PRKN: variants seen among roughly 807,000 people sequenced by gnomAD.
The protein encoded by PRKN is E3 ubiquitin-protein ligase parkin.
Under a neutral mutation model 59.5 loss-of-function variants are expected in PRKN, and 56 were observed. The observed-to-expected ratio is 0.94, with a 90% confidence interval of 0.76 to 1.18. PRKN has a LOEUF of 1.18. Among genes scored for constraint, PRKN ranks in the 50% most tolerant of loss-of-function variants. PRKN has a pLI of 0.00. For synonymous variants in PRKN, 250 were observed against 222.1 expected (o/e 1.13, Z -1.12); for missense variants, 657 against 596.4 (o/e 1.10, Z -1.06).
At chr6:161,479,581 C>A (rs1214327038) in intron 9 of PRKN, among the ~76,000 whole-genome samples, 1 of 152,176 alleles carries the variant, frequency 6.6e-6, no homozygotes, top group Non-Finnish European at 1.5e-5. Context: ...CCTGACGCTG[C>A]AACATTAACT....
intron 7 of PRKN, among the ~76,000 whole-genome samples, chr6:161,587,451 T>A (rs561743631): frequency 2.0e-5 from 3 of 152,320 alleles, no homozygotes; most frequent in East Asian, 3.9e-4. Flanking sequence ...GTAACAGAGA[T>A]CTTTTCAGAA....
intron 7 of PRKN, among the ~76,000 whole-genome samples, chr6:161,585,741 C>T (rs1158615090): frequency 6.6e-6 from 1 of 152,158 alleles, no homozygotes; most frequent in African/African-American, 2.4e-5. Flanking sequence ...TCCTGAAACA[C>T]ATGAAGTAGG....
rs1235421661 is a variant in PRKN at position 161,419,696 on chromosome 6, C to A, written c.1084-32819G>T. 2.0e-5 allele frequency among the ~76,000 whole-genome samples: 3 copies of A among 151,920 alleles called. No homozygotes were observed. Among genetic ancestry groups the A allele is most frequent in the Non-Finnish European group, 4.4e-5 (3 of 67,982 alleles). On this transcript the variant is annotated intron_variant, in intron 9 of 11. Transcript: ENST00000366898. The surrounding 1 kb of genome is among the most constrained non-coding windows in gnomAD (Gnocchi z 4.1). ...AACCACCACGCCCAGCCTCCTCTGA[C>A]TTTTGTAAGGGAAATAATTAGATTC...
At chr6:161,700,870 C>T (rs1045789940) in intron 7 of PRKN, among the ~76,000 whole-genome samples, 1 of 152,112 alleles carries the variant, frequency 6.6e-6, no homozygotes, top group East Asian at 1.9e-4. Context: ...CAATTTGGGA[C>T]CCCCAAAAGG....
chr6:161,472,053 G>C (rs540408497), intron 9 of PRKN, among the ~76,000 whole-genome samples: 1 of 152,064 alleles, frequency 6.6e-6, no homozygotes, highest in Non-Finnish European at 1.5e-5. Context: ...ACCATGTTAA[G>C]AAGGAAGGAC....
intron 1 of PRKN, among the ~76,000 whole-genome samples, chr6:162,444,696 T>C (rs1385598313): frequency 6.6e-6 from 1 of 152,126 alleles, no homozygotes; most frequent in Non-Finnish European, 1.5e-5. Flanking sequence ...ATATATGTCT[T>C]TTAATATTCA....
At position 161,354,097 on chromosome 6, in the gene PRKN, A is replaced by G. The variant is rs1784664508; in HGVS notation, c.1286-3886T>C. Among the ~76,000 whole-genome samples the G allele has an allele frequency of 6.6e-6, 1 of 152,236 alleles. No homozygotes were observed. The highest frequency in any genetic ancestry group is 2.4e-5 in the African/African-American group (1 of 41,470). ...ATATCTTGGTACAGAAGCTAGAATT[A>G]CAATGGCCTGGTACAGTAAGAATGG... On this transcript the variant is annotated intron_variant, in intron 11 of 11. Transcript: ENST00000366898. This position sits in a 1 kb window ranked among gnomAD's most constrained non-coding sequence, Gnocchi z 6.7.
At position 161,460,932 on chromosome 6, in the gene PRKN, T is replaced by TC. The variant is rs1790185403; in HGVS notation, c.1084-74056_1084-74055insG. Among the ~76,000 whole-genome samples the TC allele has an allele frequency of 1.3e-5, 2 of 151,794 alleles. No homozygotes were observed. The highest frequency in any genetic ancestry group is 1.3e-4 in the Admixed American group (2 of 15,236). On this transcript the variant is annotated intron_variant, in intron 9 of 11. Coordinates refer to ENST00000366898, the MANE Select transcript of PRKN (RefSeq NM_004562.3). This position sits in a 1 kb window ranked among gnomAD's most constrained non-coding sequence, Gnocchi z 5.0. ...GCCCAGCTAATTTTTCTTTCTTTTTTTTTTTTAGCAGAGACGGGGTTTCAC... is the reference window on the plus strand; with the variant it reads ...GCCCAGCTAATTTTTCTTTCTTTTTTCTTTTTTAGCAGAGACGGGGTTTCAC...
intron 4 of PRKN, among the ~76,000 whole-genome samples, chr6:162,082,990 G>A (rs1414456299): frequency 6.6e-6 from 1 of 151,904 alleles, no homozygotes; most frequent in Non-Finnish European, 1.5e-5. Flanking sequence ...ATTCTGTTTT[G>A]TATTGCTCAG....
At chr6:161,682,317 C>T (rs928237259) in intron 7 of PRKN, among the ~76,000 whole-genome samples, 3 of 152,264 alleles carry the variant, frequency 2.0e-5, no homozygotes, top group South Asian at 2.1e-4. Flanking sequence ...AAAAGAGAGC[C>T]GGGAATGCTG....
intron 2 of PRKN, chr6:162,264,870 A>G (rs1254402704): frequency 5.3e-5 from 8 of 152,048 alleles, no homozygotes; most frequent in Admixed American, 5.2e-4. Flanking sequence ...AATTCCTCCT[A>G]CCTAATCTTT....
Position 161,405,089 on chromosome 6 carries a change from C to T in PRKN, c.1084-18212G>A, listed in dbSNP as rs1403295918. Reference sequence around the variant, plus strand: ...CCCACCTTCTCCTCCAGCTCTGACTCTTTAAACTGAATGCTGATTTATCTC... The same window carrying T: ...CCCACCTTCTCCTCCAGCTCTGACTTTTTAAACTGAATGCTGATTTATCTC... On this transcript the variant is annotated intron_variant, in intron 9 of 11. Coordinates refer to ENST00000366898, the MANE Select transcript of PRKN (RefSeq NM_004562.3). This position sits in a 1 kb window ranked among gnomAD's most constrained non-coding sequence, Gnocchi z 5.1. Among the ~76,000 whole-genome samples, 1 of 152,164 alleles carries T rather than the reference C, an allele frequency of 6.6e-6. No individual in the cohort carries two copies. Among genetic ancestry groups the T allele is most frequent in the Non-Finnish European group, 1.5e-5 (1 of 68,036 alleles).
chr6:162,615,143 A>G (rs1427415023), intron 1 of PRKN, among the ~76,000 whole-genome samples: 3 of 152,182 alleles, frequency 2.0e-5, no homozygotes, highest in Admixed American at 6.5e-5. Flanking sequence ...TTTGTCTCCA[A>G]GTTTATTGTG....
intron 9 of PRKN, among the ~76,000 whole-genome samples, chr6:161,491,220 T>C (rs935381518): frequency 2.6e-5 from 4 of 152,156 alleles, no homozygotes; most frequent in African/African-American, 7.2e-5. Context: ...CTTAGAAAAC[T>C]TCGTATGGAC....
chr6:161,474,795 G>A (rs911610433), intron 9 of PRKN, among the ~76,000 whole-genome samples: 1 of 151,324 alleles, frequency 6.6e-6, no homozygotes, highest in Non-Finnish European at 1.5e-5. Flanking sequence ...GTAGATACTG[G>A]GTTTCACCAT....
At chr6:162,302,173 T>G (rs563565017) in intron 2 of PRKN, among the ~76,000 whole-genome samples, 1 of 152,078 alleles carries the variant, frequency 6.6e-6, no homozygotes, top group Non-Finnish European at 1.5e-5. Flanking sequence ...CCTCTACCAC[T>G]TGAGTAAAGG....
intron 9 of PRKN, among the ~76,000 whole-genome samples, chr6:161,404,131 G>T (rs1787163453): frequency 6.6e-6 from 1 of 152,080 alleles, no homozygotes; most frequent in African/African-American, 2.4e-5. Flanking sequence ...TCACCACTCT[G>T]TACTGACCTG....
At chr6:162,284,224 T>TC (rs1781070394) in intron 2 of PRKN, among the ~76,000 whole-genome samples, 3 of 140,644 alleles carry the variant, frequency 2.1e-5, no homozygotes, top group Non-Finnish European at 4.6e-5. Context: ...TCTTTTTTTT[T>TC]TTTTTTTTTT....
intron 2 of PRKN, among the ~76,000 whole-genome samples, chr6:162,370,713 TAC>T (rs1785720794): frequency 6.6e-6 from 1 of 152,182 alleles, no homozygotes. Flanking sequence ...TACAAATGAA[TAC>T]AGTCATAGCA....
Sources: gnomAD v4.1 joint callset for allele counts (sites outside exome capture counted in the v4.1 genomes callset) on GRCh38, gnomAD v4.1.1 for gene constraint, Gnocchi (gnomAD v3.1) non-coding constraint, MANE v1.5 for transcripts, NCBI Gene and HGNC (gene_info 2026-07-23, HGNC 2026-07-21) for gene names.